Variants in ARHGEF28 observed in about 807,000 individuals in gnomAD.
ARHGEF28 encodes Rho guanine nucleotide exchange factor 28.
A neutral mutation model predicts 206.6 loss-of-function variants in ARHGEF28; 152 were observed. That is an observed-to-expected ratio of 0.74 (90% CI 0.64 to 0.84). ARHGEF28 has a LOEUF of 0.84. ARHGEF28 is among the 40% of genes least tolerant of loss of function. The probability of loss-of-function intolerance (pLI) is 0.00; values close to 1 mark genes in which losing one functional copy is unlikely to be tolerated. For missense variants in ARHGEF28, 2,028 were observed against 2,073.2 expected (o/e 0.98, Z 0.42); for synonymous variants, 763 against 776.4 (o/e 0.98, Z 0.29).
intron 9 of ARHGEF28, among the ~76,000 whole-genome samples, chr5:73,798,132 C>T (rs540500496): frequency 6.6e-6 from 1 of 151,996 alleles, no homozygotes; most frequent in Admixed American, 6.6e-5. Flanking sequence ...TTTTAGGGTA[C>T]GTGAGATGTT....
chr5:73,868,828 G>A (rs1444872253), intron 20 of ARHGEF28, among the ~76,000 whole-genome samples: 5 of 152,104 alleles, frequency 3.3e-5, no homozygotes, highest in African/African-American at 4.8e-5. Context: ...TGTATTGTTC[G>A]TAGAGATGGG....
rs535376448 is a variant in ARHGEF28, at chr5:73,801,327, A to G, written c.1024+5936A>G. On this transcript the variant is annotated intron_variant, in intron 9 of 35. Coordinates refer to ENST00000513042, the MANE Select transcript of ARHGEF28 (RefSeq NM_001177693.2). ...CCAGGCGTGGTGGTAGGCGCCTGTA[A>G]TCCCAGCTACTTGGGAGGCTGAGGC... Among the ~76,000 whole-genome samples, 180 of 152,158 alleles carry G rather than the reference A, an allele frequency of 1.2e-3. 1 individual carries two copies. Among genetic ancestry groups the G allele is most frequent in the Admixed American group, 2.0e-3 (31 of 15,280 alleles).
rs1356635089 is a variant in ARHGEF28 at position 73,887,648 on chromosome 5, A to G, written c.3356A>G (p.Glu1119Gly). The G allele has an allele frequency of 1.9e-6, 3 of 1,574,678 alleles. No homozygotes were observed. Among genetic ancestry groups the G allele is most frequent in the Non-Finnish European group, 1.7e-6 (2 of 1,158,364 alleles). The change falls in exon 26 of 36, where the codon GAA (glutamate) becomes GGA (glycine). Residue 1119 changes from glutamate to glycine, a missense_variant. Around this residue, in one of 3 missense-constraint regions of ARHGEF28, gnomAD observed 803 missense variants for 768.0 expected, o/e 1.05. Coordinates refer to ENST00000513042, the MANE Select transcript of ARHGEF28 (RefSeq NM_001177693.2). ...LLTDVLLFLQ[E>G]KDQKYIFAAV... ...ACTGATGTGCTGCTCTTTTTACAAG[A>G]AAAAGACCAGAAATACATCTTTGCA...
chr5:73,854,255 C>T (rs1758881566), intron 14 of ARHGEF28, among the ~76,000 whole-genome samples: 1 of 152,054 alleles, frequency 6.6e-6, no homozygotes, highest in South Asian at 2.1e-4. Context: ...ATGATGCCTT[C>T]TTTGATATTC....
At chr5:73,775,776 T>C (rs1207926960) in intron 5 of ARHGEF28, among the ~76,000 whole-genome samples, 1 of 152,210 alleles carries the variant, frequency 6.6e-6, no homozygotes, top group East Asian at 1.9e-4. Flanking sequence ...CAGGACCTTA[T>C]AAGCCATCCA....
rs150707174 is a variant in ARHGEF28, at chr5:73,885,372, A to G, written c.3056-478A>G. Among the ~76,000 whole-genome samples the G allele has an allele frequency of 6.5e-3, 987 of 152,248 alleles. 14 individuals carry two copies. The highest frequency in any genetic ancestry group is 0.02 in the African/African-American group (837 of 41,564). ...ACATCTTACTGTCAGCGGAAGGACT[A>G]TGTGTCAGCTGAAGCACATTTAATC... On this transcript the variant is annotated intron_variant, in intron 24 of 35. Coordinates refer to ENST00000513042, the MANE Select transcript of ARHGEF28 (RefSeq NM_001177693.2).
intron 1 of ARHGEF28, among the ~76,000 whole-genome samples, chr5:73,646,080 C>T (rs1744403562): frequency 6.6e-6 from 1 of 152,146 alleles, no homozygotes; most frequent in Non-Finnish European, 1.5e-5. Context: ...CCAGAAATGG[C>T]TCCCCCTCCT....
intron 9 of ARHGEF28, among the ~76,000 whole-genome samples, chr5:73,825,512 C>T (rs1228815865): frequency 6.6e-6 from 1 of 152,082 alleles, no homozygotes; most frequent in Non-Finnish European, 1.5e-5. Context: ...AAAACTCTGG[C>T]CTTCACTCAG....
chr5:73,724,143 A>G (rs564185708), intron 2 of ARHGEF28, among the ~76,000 whole-genome samples: 1 of 152,350 alleles, frequency 6.6e-6, no homozygotes, highest in Non-Finnish European at 1.5e-5. Context: ...TGGGAATTAG[A>G]CCAAAGGTTG....
rs375002866 is a variant in ARHGEF28, at chr5:73,680,979, A to G, written c.-11-3862A>G. ...CGACCTCTCAAAGTGCTGGGATTACAGACATGAACCACCAAGCCTGGCCAA... is the reference window on the plus strand; with the variant it reads ...CGACCTCTCAAAGTGCTGGGATTACGGACATGAACCACCAAGCCTGGCCAA... On this transcript the variant is annotated intron_variant, in intron 1 of 35. Transcript: ENST00000513042. Among the ~76,000 whole-genome samples the G allele has an allele frequency of 3.3e-5, 5 of 152,192 alleles. No homozygotes were observed. In the South Asian group the frequency reaches 1.0e-3, roughly 32 times the overall value.
intron 1 of ARHGEF28, among the ~76,000 whole-genome samples, chr5:73,636,613 T>G (rs537103568): frequency 5.3e-4 from 81 of 152,264 alleles, no homozygotes; most frequent in Non-Finnish European, 9.4e-4. Flanking sequence ...TTCATCATAG[T>G]GGGGTAGTAG....
intron 27 of ARHGEF28, 69 bp from the exon 28 acceptor site, chr5:73,893,128 T>C (rs906779661): frequency 3.9e-6 from 5 of 1,287,474 alleles, no homozygotes; most frequent in Non-Finnish European, 3.1e-6. Context: ...AGTTCCCATG[T>C]TTTTCTAATG....
intron 2 of ARHGEF28, among the ~76,000 whole-genome samples, chr5:73,713,240 A>G (rs912053874): frequency 6.6e-6 from 1 of 152,208 alleles, no homozygotes; most frequent in African/African-American, 2.4e-5. Context: ...AACTCCAATG[A>G]CATATATCCT....
At chr5:73,846,715 C>T (rs1221460496) in intron 12 of ARHGEF28, among the ~76,000 whole-genome samples, 1 of 152,014 alleles carries the variant, frequency 6.6e-6, no homozygotes, top group East Asian at 1.9e-4. Flanking sequence ...GAGTACATAC[C>T]ATCTTTCTTT....
In ARHGEF28 at chr5:73,749,948, C is replaced by G; in HGVS notation, c.145C>G (p.Arg49Gly). The change falls in exon 3 of 36, where the codon CGC becomes GGC. Residue 49 changes from arginine to glycine, a missense_variant. Arg to Gly is a moderately radical substitution (Grantham distance 125). Around this residue, in one of 3 missense-constraint regions of ARHGEF28, gnomAD observed 1,002 missense variants for 1,015.3 expected, o/e 0.99. Transcript: ENST00000513042. ...SHQRHVMIAE[R>G]IEDNVLQSSV... Reference sequence around the variant, plus strand: ...TCAGCGACATGTCATGATTGCAGAGCGCATCGAGGATAACGTTCTCCAGTC... The same window carrying G: ...TCAGCGACATGTCATGATTGCAGAGGGCATCGAGGATAACGTTCTCCAGTC... The G allele has an allele frequency of 6.2e-7, 1 of 1,613,908 alleles. No individual in the cohort carries two copies. The highest frequency in any genetic ancestry group is 1.7e-5 in the Admixed American group (1 of 60,014).
At chr5:73,803,399 G>C (rs916962118) in intron 9 of ARHGEF28, 1 of 154,248 alleles carries the variant, frequency 6.5e-6, no homozygotes, top group African/African-American at 2.4e-5. Flanking sequence ...AACTCTTGCT[G>C]GTGCTCTGGG....
chr5:73,723,570 T>G (rs552181501), intron 2 of ARHGEF28, among the ~76,000 whole-genome samples: 1 of 152,358 alleles, frequency 6.6e-6, no homozygotes, highest in Non-Finnish European at 1.5e-5. Flanking sequence ...GTTTTAATTT[T>G]CAACAAAGAT....
intron 34 of ARHGEF28, among the ~76,000 whole-genome samples, chr5:73,910,253 C>A (rs571006301): frequency 1.3e-5 from 2 of 151,548 alleles, no homozygotes; most frequent in South Asian, 4.2e-4. Context: ...TGGTGGCGGG[C>A]CTCTGTAATC....
At chr5:73,664,013 T>C (rs1745786325) in intron 1 of ARHGEF28, among the ~76,000 whole-genome samples, 2 of 152,224 alleles carry the variant, frequency 1.3e-5, no homozygotes, top group South Asian at 4.1e-4. Flanking sequence ...TCTCCTTTCT[T>C]AAAACACCAC....
Sources: allele counts gnomAD v4.1 joint callset (sites outside exome capture counted in the v4.1 genomes callset), GRCh38; gene constraint gnomAD v4.1.1; regional missense constraint gnomAD v4.1.1; transcripts MANE v1.5; gene names NCBI Gene and HGNC (gene_info 2026-07-23, HGNC 2026-07-21).